The following CEMIP2 variants were observed in gnomAD, a reference collection of about 807,000 sequenced individuals.
CEMIP2 encodes the protein cell migration inducing hyaluronidase 2.
A neutral mutation model predicts 146.9 loss-of-function variants in CEMIP2; 79 were observed. That is an observed-to-expected ratio of 0.54 (90% confidence interval 0.45 to 0.65). The LOEUF is 0.65. Ranked by LOEUF, CEMIP2 falls within the 30% of genes least tolerant of loss-of-function variation. The pLI is 0.00. For synonymous variants in CEMIP2, 601 were observed against 606.3 expected (o/e 0.99, Z 0.13); for missense variants, 1,596 against 1,696.2 (o/e 0.94, Z 1.04).
chr9:71,740,460 GA>G, intron 4 of CEMIP2, among the ~76,000 whole-genome samples: 1 of 152,340 alleles, frequency 6.6e-6, no homozygotes, highest in East Asian at 1.9e-4. Context: ...TGTAATAGGT[GA>G]AAGACCGATG....
intron 1 of CEMIP2, among the ~76,000 whole-genome samples, chr9:71,762,408 C>T (rs1039678876): frequency 2.7e-5 from 4 of 148,048 alleles, no homozygotes; most frequent in Non-Finnish European, 3.0e-5. Context: ...ATGGCTTGAG[C>T]CCAGGAGTTC....
rs759198928 is a variant in CEMIP2 at position 71,750,201 on chromosome 9, G to T, written c.173C>A (p.Ala58Glu). The T allele has an allele frequency of 1.7e-5, 28 of 1,614,000 alleles. No homozygotes were observed. Among genetic ancestry groups the T allele is most frequent in the Middle Eastern group, 1.6e-4 (1 of 6,084 alleles). The change falls in exon 2 of 24, where the codon GCA becomes GAA. Residue 58 changes from alanine (A) to glutamate (E), a missense_variant. Ala to Glu is a moderately radical substitution (Grantham distance 107). Transcript: ENST00000377044. ...TTCTTCAGGTGAGAATGCGAAGGTTGCCCGGTCTTCTCGTCTGATGGAGGT... is the reference window on the plus strand; with the variant it reads ...TTCTTCAGGTGAGAATGCGAAGGTTTCCCGGTCTTCTCGTCTGATGGAGGT... ...KFTSIRREDR[A>E]TFAFSPEEQQ... is the part of the protein sequence containing the mutation.
At chr9:71,740,674 C>T (rs1261968371) in intron 4 of CEMIP2, among the ~76,000 whole-genome samples, 1 of 152,164 alleles carries the variant, frequency 6.6e-6, no homozygotes, top group Non-Finnish European at 1.5e-5. Flanking sequence ...AATGCACAGA[C>T]CCCATCCCAG....
In CEMIP2 at chr9:71,690,187, C is replaced by A. The variant is rs748073493; in HGVS notation, c.3756G>T (p.Pro1252=). The A allele has an allele frequency of 1.9e-6, 3 of 1,614,114 alleles. No homozygotes were observed. The highest frequency in any genetic ancestry group is 1.3e-5 in the African/African-American group (1 of 75,034). The change falls in exon 22 of 24, where the codon CCG becomes CCT. Residue 1252 remains proline (P), a synonymous_variant. Coordinates refer to ENST00000377044, the MANE Select transcript of CEMIP2 (RefSeq NM_013390.3). ...SAGVLLLVVD[P]CSVPFRLTEK... The stretch of plus-strand genomic sequence containing the variant: ...CCGTCAAGCGGAATGGAACGCTGCA[C>A]GGATCCACAACAAGGAGGAGGACGC...
chr9:71,710,486 C>T (rs770433550), intron 16 of CEMIP2, among the ~76,000 whole-genome samples: 8 of 152,138 alleles, frequency 5.3e-5, no homozygotes, highest in Non-Finnish European at 8.8e-5. Context: ...GCATATTTTC[C>T]ACCCTTTTAA....
At position 71,712,862 on chromosome 9, in the gene CEMIP2, C is replaced by G. The variant is rs74336027; in HGVS notation, c.2592-602G>C. ...ACTCCTTAGCCTACTAATCATAAAT[C>G]AATAACTGTAATTAATGTATAGGAA... On this transcript the variant is annotated intron_variant, in intron 15 of 23. Coordinates refer to ENST00000377044, the MANE Select transcript of CEMIP2 (RefSeq NM_013390.3). 3.8e-3 allele frequency among the ~76,000 whole-genome samples: 575 copies of G among 152,312 alleles called. 4 individuals are homozygous for G. Among genetic ancestry groups the G allele is most frequent in the Non-Finnish European group, 6.6e-3 (451 of 68,018 alleles).
intron 10 of CEMIP2, 22 bp from the exon 11 acceptor site, chr9:71,725,731 C>T: frequency 1.2e-6 from 2 of 1,606,330 alleles, no homozygotes; most frequent in Admixed American, 1.7e-5. Context: ...AGGACAAGCC[C>T]ATTAAAAGCC....
chr9:71,726,195 AT>A (rs1301144479), intron 10 of CEMIP2, among the ~76,000 whole-genome samples: 1 of 152,028 alleles, frequency 6.6e-6, no homozygotes, highest in Non-Finnish European at 1.5e-5. Context: ...CCTGAGGCAA[AT>A]TTTTGCCAAA....
At chr9:71,755,884 C>T (rs188827914) in intron 1 of CEMIP2, among the ~76,000 whole-genome samples, 278 of 143,926 alleles carry the variant, frequency 1.9e-3, no homozygotes, top group Admixed American at 3.1e-3. Flanking sequence ...ATCACTTGAG[C>T]CTGGGAGGTG....
In CEMIP2 at chr9:71,730,692, C is replaced by A. The variant is rs763359866; in HGVS notation, c.1773+13G>T. On this transcript the variant is annotated intron_variant, in intron 8 of 23. Transcript: ENST00000377044. ...TTCAATAATATGGGTTGACCTAATG[C>A]GAGGCTACTTACTAGCAAGCCATTT... The A allele has an allele frequency of 1.2e-6, 2 of 1,613,070 alleles. No individual in the cohort carries two copies. Among genetic ancestry groups the A allele is most frequent in the African/African-American group, 2.7e-5 (2 of 74,854 alleles).
At chr9:71,740,444 C>T (rs2131992788) in intron 4 of CEMIP2, among the ~76,000 whole-genome samples, 1 of 152,256 alleles carries the variant, frequency 6.6e-6, no homozygotes, top group South Asian at 2.1e-4. Flanking sequence ...CTTGTTTGTC[C>T]AGCTCTGTAA....
intron 17 of CEMIP2, among the ~76,000 whole-genome samples, chr9:71,705,529 A>T (rs1822707620): frequency 1.3e-5 from 2 of 152,146 alleles, no homozygotes; most frequent in Admixed American, 6.5e-5. Flanking sequence ...TTGACATTTA[A>T]TCTACAATAC....
chr9:71,709,360 C>A lies in CEMIP2; in HGVS notation c.2884G>T (p.Asp962Tyr), dbSNP rs1462167683. Residue 962 changes from aspartate (D) to tyrosine (Y), a missense_variant, in exon 17 of 24, where the codon GAT becomes TAT. Asp to Tyr is a radical substitution (Grantham distance 160, BLOSUM62 -3). Transcript: ENST00000377044. The part of the protein sequence containing the change: ...DIDGSVTGYK[D>Y]AYVGRMDNYL... ...TTGTCCATTCTTCCCACATAAGCAT[C>A]CTTGTATCCTGTCACAGAGCCATCA... The A allele has an allele frequency of 6.2e-7, 1 of 1,614,172 alleles. No homozygotes were observed. The highest frequency in any genetic ancestry group is 1.3e-5 in the African/African-American group (1 of 75,034).
Position 71,750,304 on chromosome 9 carries a change from G to A in CEMIP2, c.70C>T (p.Pro24Ser). 6.2e-7 allele frequency: 1 copy of A among 1,614,024 alleles called. No homozygotes were observed. The highest frequency in any genetic ancestry group is 8.5e-7 in the Non-Finnish European group (1 of 1,179,994). Reference sequence around the variant, plus strand: ...ACCTTCCCTGGAACATAGCCAGATGGGTGACGACTATTTCCATTCTGAGGT... The same window carrying A: ...ACCTTCCCTGGAACATAGCCAGATGAGTGACGACTATTTCCATTCTGAGGT... ...LQPQNGNSRH[P>S]SGYVPGKVVP... Residue 24 changes from proline to serine, a missense_variant, in exon 2 of 24, where the codon CCA becomes TCA. Transcript: ENST00000377044.
intron 10 of CEMIP2, among the ~76,000 whole-genome samples, chr9:71,728,231 C>CTCTCTATATATATATATGTATATACACG (rs1554684626): frequency 4.1e-4 from 6 of 14,778 alleles, no homozygotes; most frequent in African/African-American, 1.4e-3. Flanking sequence ...CTCTCTCTCT[C>CTCTCTATATATATATATGTATATACACG]TATATATATA....
rs530227501 is a variant in CEMIP2, at chr9:71,754,117, A to T, written c.-12-3732T>A. ...TTAGGAGAAATACCTAAAGTAAATG[A>T]CGAGTTGATGGGTGCAGCAAACCAA... On this transcript the variant is annotated intron_variant, in intron 1 of 23. Transcript: ENST00000377044. Among the ~76,000 whole-genome samples the T allele has an allele frequency of 6.6e-5, 10 of 152,326 alleles. No individual in the cohort carries two copies. In the South Asian group the frequency reaches 2.1e-3, roughly 32 times the overall value.
chr9:71,689,885 G>A (rs1189301369), intron 22 of CEMIP2, among the ~76,000 whole-genome samples: 1 of 152,158 alleles, frequency 6.6e-6, no homozygotes, highest in Non-Finnish European at 1.5e-5. Context: ...CAACATCCAA[G>A]TTCTGCCACA....
chr9:71,699,388 G>A (rs546126165), intron 19 of CEMIP2: 2 of 450,390 alleles, frequency 4.4e-6, no homozygotes, highest in South Asian at 1.6e-5. Context: ...CAAGGCTGTA[G>A]TGTACCACAA....
chr9:71,751,977 A>T (rs1015720587), intron 1 of CEMIP2, among the ~76,000 whole-genome samples: 2 of 152,236 alleles, frequency 1.3e-5, no homozygotes, highest in African/African-American at 4.8e-5. Context: ...ATTATGGTTA[A>T]GATTATAAAA....
Sources: allele counts gnomAD v4.1 joint callset (sites outside exome capture counted in the v4.1 genomes callset), GRCh38; gene constraint gnomAD v4.1.1; transcripts MANE v1.5; gene names NCBI Gene and HGNC (gene_info 2026-07-23, HGNC 2026-07-21).